PTPRQ: variants seen among roughly 807,000 people sequenced by gnomAD.
PTPRQ encodes phosphatidylinositol phosphatase PTPRQ.
In PTPRQ, 199 loss-of-function variants were observed where a neutral mutation model predicts 246.0. The observed-to-expected ratio is 0.81, with a 90% CI of 0.72 to 0.91. The LOEUF (loss-of-function observed/expected upper bound fraction) is 0.91. Ranked by LOEUF, PTPRQ falls within the 40% of genes least tolerant of loss-of-function variation. The pLI is 0.00. For synonymous variants in PTPRQ, 869 were observed against 853.2 expected, an observed-to-expected ratio of 1.02 and a Z score of -0.32; for missense variants, 2,624 against 2,528.4, an observed-to-expected ratio of 1.04 and a Z score of -0.81.
Position 80,658,028 on chromosome 12 carries a change from A to G in PTPRQ, c.6159A>G (p.Pro2053=). The G allele has an allele frequency of 1.4e-6, 2 of 1,442,460 alleles. No individual in the cohort carries two copies. The highest frequency in any genetic ancestry group is 1.8e-6 in the Non-Finnish European group (2 of 1,094,668). 89.4% of individuals were successfully genotyped at this position (1,442,460 alleles called of 1,614,324 possible). ...RVKLIADASV[P]GSDYINASYI... is the part of the protein sequence containing the mutation. ...AGCTGATAGCTGACGCTAGTGTTCC[A>G]GGTTCGGATTATATTAATGCCAGCT... The change falls in exon 39 of 45, where the codon CCA becomes CCG. Residue 2053 remains proline (P), a synonymous_variant. Coordinates refer to ENST00000644991, the MANE Select transcript of PTPRQ (RefSeq NM_001145026.2).
At chr12:80,678,957 C>G (rs1419519787) in intron 44 of PTPRQ, 29 bp from the exon 45 acceptor site, 2 of 1,531,338 alleles carry the variant, frequency 1.3e-6, no homozygotes, top group Non-Finnish European at 1.8e-6. Context: ...CTTCAACACT[C>G]TCTTGTAACA....
rs1898636251 is a variant in PTPRQ, at chr12:80,613,599, G to A, written c.4926G>A (p.Lys1642=). 2 of 1,530,994 alleles carry A rather than the reference G, an allele frequency of 1.3e-6. No homozygotes were observed. Among genetic ancestry groups the A allele is most frequent in the Non-Finnish European group, 1.8e-6 (2 of 1,136,864 alleles). 94.8% of individuals were successfully genotyped at this position (1,530,994 alleles called of 1,614,324 possible). A position where few individuals can be genotyped will look rare whatever the true frequency, so the allele number is the denominator to read the frequency against. The part of the protein sequence containing the change: ...MIVTTLESAP[K]DPPNNMTFQK... ...TTAAATATTTTATTTTAGCCCCAAA[G>A]GACCCACCTAACAACATGACATTTC... The change falls in exon 29 of 45, where the codon AAG becomes AAA. Residue 1642 remains lysine, a synonymous_variant. Transcript: ENST00000644991.
chr12:80,619,729 T>C (rs1898906928), intron 31 of PTPRQ, among the ~76,000 whole-genome samples, 187 bp downstream of exon 31: 1 of 151,670 alleles, frequency 6.6e-6, no homozygotes, highest in Non-Finnish European at 1.5e-5. Flanking sequence ...TTATTTATTT[T>C]ATTTGTAAAA....
At chr12:80,657,696 TG>T (rs2121248107) in intron 38 of PTPRQ, among the ~76,000 whole-genome samples, 1 of 151,772 alleles carries the variant, frequency 6.6e-6, no homozygotes, top group South Asian at 2.1e-4. Context: ...CATAGGTAAA[TG>T]AAAAAAACGA....
chr12:80,544,576 A>G (rs17006922), intron 23 of PTPRQ, among the ~76,000 whole-genome samples: 14,890 of 152,112 alleles, frequency 0.098, 979 homozygotes, highest in African/African-American at 0.18. Context: ...TCCTTTTTAC[A>G]TCTATTTTCT....
intron 43 of PTPRQ, among the ~76,000 whole-genome samples, chr12:80,676,184 C>G (rs1901130638): frequency 6.6e-6 from 1 of 152,162 alleles, no homozygotes; most frequent in Non-Finnish European, 1.5e-5. Context: ...ACAGCAGTTT[C>G]TTATTTTCTT....
intron 25 of PTPRQ, among the ~76,000 whole-genome samples, chr12:80,578,484 G>A (rs918173920): frequency 6.6e-6 from 1 of 151,868 alleles, no homozygotes; most frequent in South Asian, 2.1e-4. Flanking sequence ...TCCGCCTCCC[G>A]GGTTCATGCC....
At position 80,611,301 on chromosome 12, in the gene PTPRQ, T is replaced by C. The variant is rs187998237; in HGVS notation, c.4918+676T>C. Among the ~76,000 whole-genome samples, 9 of 150,508 alleles carry C rather than the reference T, an allele frequency of 6.0e-5. No individual in the cohort carries two copies. In the East Asian group the frequency reaches 1.6e-3, roughly 26 times the overall value. Reference sequence around the variant, plus strand: ...TCCTGATGTTCTTTGCCACCAGATATATCATTGGAAAAAGCAGATGAAGGG... The same window carrying C: ...TCCTGATGTTCTTTGCCACCAGATACATCATTGGAAAAAGCAGATGAAGGG... On this transcript the variant is annotated intron_variant, in intron 28 of 44. Transcript: ENST00000644991.
chr12:80,476,878 T>C (rs1893827222), intron 8 of PTPRQ, among the ~76,000 whole-genome samples: 1 of 152,208 alleles, frequency 6.6e-6, no homozygotes, highest in Non-Finnish European at 1.5e-5. Flanking sequence ...AACTCTTTGT[T>C]CCTTATAGTA....
chr12:80,652,743 G>T lies in PTPRQ; in HGVS notation c.6025-1G>T. The T allele has an allele frequency of 6.7e-7, 1 of 1,492,134 alleles. No individual in the cohort carries two copies. The highest frequency in any genetic ancestry group is 1.4e-5 in the South Asian group (1 of 70,494). 92.4% of individuals were successfully genotyped at this position (1,492,134 alleles called of 1,614,324 possible). ...AACTTTGTAATGACTTTATTTTACA[G>T]GAATTACCAAAATTTCTTCAGGATC... On this transcript the variant is annotated splice_acceptor_variant, in intron 37 of 44. Coordinates refer to ENST00000644991, the MANE Select transcript of PTPRQ (RefSeq NM_001145026.2). LOFTEE classifies it high-confidence loss of function.
At chr12:80,514,402 ACTCT>A (rs1350863785) in intron 17 of PTPRQ, among the ~76,000 whole-genome samples, 4 of 112,980 alleles carry the variant, frequency 3.5e-5, no homozygotes, top group Admixed American at 2.0e-4. Flanking sequence ...ACACACACAC[ACTCT>A]CTCTCTCTCT....
intron 25 of PTPRQ, among the ~76,000 whole-genome samples, chr12:80,575,575 C>T (rs1289317259): frequency 6.6e-6 from 1 of 151,984 alleles, no homozygotes; most frequent in Non-Finnish European, 1.5e-5. Flanking sequence ...AAATGGCACC[C>T]TCATCCCTGT....
At chr12:80,623,661 G>A (rs1352817802) in intron 33 of PTPRQ, among the ~76,000 whole-genome samples, 1 of 152,132 alleles carries the variant, frequency 6.6e-6, no homozygotes, top group East Asian at 1.9e-4. Flanking sequence ...TGTGTCTTAG[G>A]AGATAATATT....
intron 29 of PTPRQ, among the ~76,000 whole-genome samples, chr12:80,615,609 C>T (rs1898723647): frequency 2.0e-5 from 3 of 151,054 alleles, no homozygotes; most frequent in African/African-American, 4.8e-5. Context: ...CAGGTTATAG[C>T]GTCAGATACT....
At chr12:80,594,606 T>A (rs1897907927) in intron 26 of PTPRQ, among the ~76,000 whole-genome samples, 1 of 152,116 alleles carries the variant, frequency 6.6e-6, no homozygotes, top group African/African-American at 2.4e-5. Context: ...CCCTTGCAAG[T>A]CTTTTCCTTT....
intron 25 of PTPRQ, among the ~76,000 whole-genome samples, chr12:80,585,413 A>C (rs1301966147): frequency 6.6e-6 from 1 of 152,136 alleles, no homozygotes; most frequent in South Asian, 2.1e-4. Flanking sequence ...GGCCACTGTG[A>C]TCTCTTGTGT....
At chr12:80,493,231 G>A in intron 9 of PTPRQ, 44 bp from the exon 10 acceptor site, 1 of 1,382,392 alleles carries the variant, frequency 7.2e-7, no homozygotes, top group Non-Finnish European at 9.4e-7. Context: ...AAGTCATGAA[G>A]TGTAACTGTC....
chr12:80,665,040 C>A (rs1900742168), intron 39 of PTPRQ, among the ~76,000 whole-genome samples: 1 of 151,818 alleles, frequency 6.6e-6, no homozygotes. Flanking sequence ...AGGTGAAGCC[C>A]CAAAATAGGC....
intron 43 of PTPRQ, among the ~76,000 whole-genome samples, chr12:80,673,623 A>G (rs1901042899): frequency 6.6e-6 from 1 of 152,164 alleles, no homozygotes; most frequent in Admixed American, 6.6e-5. Context: ...AATGAACTCA[A>G]ATCAATATCT....
Sources: gnomAD v4.1 joint callset for allele counts (sites outside exome capture counted in the v4.1 genomes callset) on GRCh38, gnomAD v4.1.1 for gene constraint, MANE v1.5 for transcripts, NCBI Gene and HGNC (gene_info 2026-07-23, HGNC 2026-07-21) for gene names.